SMYD3: variants seen among roughly 807,000 people sequenced by gnomAD.
SMYD3 encodes histone-lysine N-methyltransferase SMYD3.
Under a neutral mutation model 57.7 loss-of-function variants are expected in SMYD3, and 36 were observed. The observed-to-expected ratio is 0.62, with a 90% confidence interval of 0.48 to 0.82. The LOEUF is 0.82. Among genes scored for constraint, SMYD3 ranks in the 40% least tolerant of loss-of-function variants. SMYD3 has a pLI of 0.00. For missense variants in SMYD3, 515 were observed against 538.8 expected (o/e 0.96, Z 0.44); for synonymous variants, 211 against 195.0 (o/e 1.08, Z -0.68).
rs537196599 is a variant in SMYD3, at chr1:246,459,041, A to T, written c.164+48013T>A. ...ATCCAATTGTAATCCCCGTGTGTTG[A>T]AGGAGGGGCCTGATGGGGGGGTGAC... is the stretch of plus-strand genomic sequence containing the variant. On this transcript the variant is annotated intron_variant, in intron 1 of 11. Transcript: ENST00000490107. 3.3e-5 allele frequency among the ~76,000 whole-genome samples: 5 copies of T among 152,044 alleles called. No homozygotes were observed. The South Asian group carries it at 8.3e-4, about 25-fold the overall frequency.
chr1:245,834,072 T>C (rs1411715259), intron 10 of SMYD3, among the ~76,000 whole-genome samples: 1 of 152,232 alleles, frequency 6.6e-6, no homozygotes, highest in Non-Finnish European at 1.5e-5. Context: ...GAGTCCTCTT[T>C]TCACTTAAGG....
At chr1:245,769,264 G>A (rs1033997036) in intron 10 of SMYD3, among the ~76,000 whole-genome samples, 2 of 152,180 alleles carry the variant, frequency 1.3e-5, no homozygotes, top group African/African-American at 2.4e-5. Context: ...TAGCACCACC[G>A]AAGGAGGACA....
chr1:245,941,663 G>A (rs778448657), intron 5 of SMYD3, among the ~76,000 whole-genome samples: 28 of 152,230 alleles, frequency 1.8e-4, no homozygotes, highest in Non-Finnish European at 3.8e-4. Context: ...TGAGATTACA[G>A]GTGCATGCCA....
At chr1:245,900,891 A>G (rs2054141628) in intron 8 of SMYD3, among the ~76,000 whole-genome samples, 1 of 152,246 alleles carries the variant, frequency 6.6e-6, no homozygotes, top group Non-Finnish European at 1.5e-5. Context: ...GAGGAATCCC[A>G]GGGCAGTTTC....
intron 5 of SMYD3, among the ~76,000 whole-genome samples, chr1:246,263,117 C>A (rs530309002): frequency 1.3e-5 from 2 of 152,186 alleles, no homozygotes; most frequent in South Asian, 4.2e-4. Context: ...ATAGTGTTGA[C>A]CAAAAAGCAA....
At chr1:246,269,539 T>TC (rs201068413) in intron 5 of SMYD3, among the ~76,000 whole-genome samples, 8 of 130,494 alleles carry the variant, frequency 6.1e-5, no homozygotes, top group Admixed American at 2.4e-4. Flanking sequence ...GTTTCTTTTT[T>TC]TTTCTTTTTT....
chr1:246,446,676 G>A (rs1396818803), intron 1 of SMYD3, among the ~76,000 whole-genome samples: 1 of 152,168 alleles, frequency 6.6e-6, no homozygotes, highest in Non-Finnish European at 1.5e-5. Flanking sequence ...TGTAACTTGA[G>A]GCATCTGATG....
intron 5 of SMYD3, among the ~76,000 whole-genome samples, chr1:246,258,541 GC>G (rs952917940): frequency 6.6e-6 from 1 of 151,938 alleles, no homozygotes; most frequent in Non-Finnish European, 1.5e-5. Context: ...GCTGAAAATA[GC>G]CCCCCCAACT....
chr1:246,450,527 C>CGTT lies in SMYD3; in HGVS notation c.164+56526_164+56527insAAC, dbSNP rs150211333. ...TAATTTCATAAAGATTTGGGTTACA[C>CGTT]AGGTGTATGCATTTGTCGGAATTCA... is the stretch of plus-strand genomic sequence containing the variant. On this transcript the variant is annotated intron_variant, in intron 1 of 11. Transcript: ENST00000490107. 1.7e-3 allele frequency among the ~76,000 whole-genome samples: 262 copies of CGTT among 152,302 alleles called. 2 individuals are homozygous for CGTT. Among genetic ancestry groups the CGTT allele is most frequent in the Non-Finnish European group, 2.7e-3 (186 of 68,030 alleles).
chr1:246,225,047 A>AT (rs58032932), intron 5 of SMYD3, among the ~76,000 whole-genome samples: 39,788 of 149,684 alleles, frequency 0.27, 5,925 homozygotes, highest in East Asian at 0.58. Context: ...TGGAGATACA[A>AT]TTTTTTTTTT....
rs570485147 is a variant in SMYD3, at chr1:246,172,058, G to A, written c.531+155143C>T. On this transcript the variant is annotated intron_variant, in intron 5 of 11. Transcript: ENST00000490107. ...AAGATAAAAATGGTATACCTATGTA[G>A]AGCACTGACCATGAATGGAGCTTGC... is the stretch of plus-strand genomic sequence containing the variant. Among the ~76,000 whole-genome samples, 6 of 152,294 alleles carry A rather than the reference G, an allele frequency of 3.9e-5. No individual in the cohort carries two copies. In the South Asian group the frequency reaches 1.2e-3, roughly 32 times the overall value.
chr1:246,034,314 C>T (rs2059731727), intron 5 of SMYD3, among the ~76,000 whole-genome samples: 3 of 152,138 alleles, frequency 2.0e-5, no homozygotes, highest in Non-Finnish European at 4.4e-5. Context: ...AAATAACATT[C>T]ATCCACATTC....
rs1330741817 is a variant in SMYD3 at position 245,959,053 on chromosome 1, G to A, written c.532-29116C>T. 2.0e-5 allele frequency among the ~76,000 whole-genome samples: 3 copies of A among 152,062 alleles called. No homozygotes were observed. In the South Asian group the frequency reaches 6.2e-4, roughly 32 times the overall value. On this transcript the variant is annotated intron_variant, in intron 5 of 11. Transcript: ENST00000490107. ...CTCCCAAGTAGTTGGGATTATAGGC[G>A]TGTGCCACCATGTCCAGCTAATTTT...
At chr1:246,323,467 G>A (rs1030921109) in intron 5 of SMYD3, among the ~76,000 whole-genome samples, 5 of 152,076 alleles carry the variant, frequency 3.3e-5, no homozygotes, top group Admixed American at 6.6e-5. Context: ...CCATTTTTCC[G>A]CCAGAAACTC....
intron 10 of SMYD3, among the ~76,000 whole-genome samples, chr1:245,856,854 GTCTGCA>G (rs1481664703): frequency 6.6e-6 from 1 of 152,158 alleles, no homozygotes; most frequent in African/African-American, 2.4e-5. Flanking sequence ...GTATTTTTCA[GTCTGCA>G]TCTTTTGGAT....
intron 5 of SMYD3, among the ~76,000 whole-genome samples, chr1:246,097,153 T>C (rs1434293974): frequency 6.6e-6 from 1 of 152,202 alleles, no homozygotes; most frequent in East Asian, 1.9e-4. Flanking sequence ...CATTCTGATC[T>C]CATGTTTTCT....
intron 5 of SMYD3, among the ~76,000 whole-genome samples, chr1:246,106,738 A>G (rs1380179165): frequency 1.3e-5 from 2 of 152,078 alleles, no homozygotes; most frequent in Non-Finnish European, 2.9e-5. Context: ...CTCTTCATCA[A>G]TGTTATCAGC....
chr1:245,925,605 C>G (rs1381344788), intron 7 of SMYD3, among the ~76,000 whole-genome samples: 1 of 152,086 alleles, frequency 6.6e-6, no homozygotes, highest in Non-Finnish European at 1.5e-5. Context: ...AAGAACTGTC[C>G]CATTCAAAAT....
chr1:246,007,128 G>C (rs2275319), intron 5 of SMYD3, among the ~76,000 whole-genome samples: 66,491 of 152,086 alleles, frequency 0.44, 17,705 homozygotes, highest in Non-Finnish European at 0.6. Context: ...AAGCGGCCAC[G>C]ACTGGGGCCT....
Sources: gnomAD v4.1 joint callset for allele counts (sites outside exome capture counted in the v4.1 genomes callset) on GRCh38, gnomAD v4.1.1 for gene constraint, MANE v1.5 for transcripts, NCBI Gene and HGNC (gene_info 2026-07-23, HGNC 2026-07-21) for gene names.